Variants in MTHFD2L observed in about 807,000 individuals in gnomAD.
MTHFD2L encodes bifunctional methylenetetrahydrofolate dehydrogenase/cyclohydrolase 2, mitochondrial.
MTHFD2L carries 29 observed loss-of-function variants against 34.9 expected under a neutral mutation model. The observed-to-expected ratio is 0.83, with a 90% CI of 0.62 to 1.13. The LOEUF (loss-of-function observed/expected upper bound fraction) is 1.13, where lower values mean the gene tolerates loss of function less well. MTHFD2L is among the 50% of genes most tolerant of loss of function. The probability of loss-of-function intolerance (pLI) is 0.00; values close to 1 mark genes in which losing one functional copy is unlikely to be tolerated. For synonymous variants in MTHFD2L, 167 were observed against 155.7 expected, an observed-to-expected ratio of 1.07 and a Z score of -0.54; for missense variants, 481 against 446.5, an observed-to-expected ratio of 1.08 and a Z score of -0.70.
At chr4:74,300,976 G>C (rs1235919893) in intron 7 of MTHFD2L, among the ~76,000 whole-genome samples, 1 of 151,992 alleles carries the variant, frequency 6.6e-6, no homozygotes, top group Non-Finnish European at 1.5e-5. Context: ...TGGGAGCTTT[G>C]GCTTATTACC....
chr4:74,154,076 T>G (rs1258621646), upstream of MTHFD2L, among the ~76,000 whole-genome samples: 2 of 152,226 alleles, frequency 1.3e-5, no homozygotes, highest in Non-Finnish European at 2.9e-5. Context: ...TCTTTACAGT[T>G]TTGAGACATA....
upstream of MTHFD2L, among the ~76,000 whole-genome samples, chr4:74,121,946 A>ATATTTGATATT (rs1266205630): frequency 6.6e-6 from 1 of 152,038 alleles, no homozygotes; most frequent in Non-Finnish European, 1.5e-5. Context: ...CCTCAGAAAA[A>ATATTTGATATT]TATCAAACCT....
chr4:74,200,995 T>A lies in MTHFD2L; in HGVS notation c.605-268T>A, dbSNP rs978230921. 3.9e-5 allele frequency among the ~76,000 whole-genome samples: 6 copies of A among 152,194 alleles called. No homozygotes were observed. The East Asian group carries it at 1.2e-3, about 29-fold the overall frequency. On this transcript the variant is annotated intron_variant, in intron 4 of 7. Transcript: ENST00000325278. The stretch of plus-strand genomic sequence containing the variant: ...AAAACTCTACTCTTCTAACTCTTAA[T>A]GTGACTCTCAATGTTTAAAAGCAAC...
intron 1 of MTHFD2L, among the ~76,000 whole-genome samples, chr4:74,130,252 C>G (rs1722383389): frequency 6.6e-6 from 1 of 152,120 alleles, no homozygotes; most frequent in Non-Finnish European, 1.5e-5. Context: ...CATCATCACC[C>G]TGATACCAAA....
intron 1 of MTHFD2L, among the ~76,000 whole-genome samples, chr4:74,152,907 A>T (rs950796253): frequency 6.6e-6 from 1 of 152,236 alleles, no homozygotes; most frequent in Non-Finnish European, 1.5e-5. Flanking sequence ...TAATGATCTT[A>T]AAATATCCTA....
chr4:74,236,682 T>C (rs893687428), intron 6 of MTHFD2L, among the ~76,000 whole-genome samples: 3 of 152,266 alleles, frequency 2.0e-5, no homozygotes, highest in Non-Finnish European at 4.4e-5. Context: ...GCTTCACATA[T>C]CTAATAGAGA....
intron 5 of MTHFD2L, among the ~76,000 whole-genome samples, chr4:74,221,344 C>G (rs1419633480): frequency 2.6e-5 from 4 of 151,636 alleles, no homozygotes; most frequent in Non-Finnish European, 3.0e-5. Context: ...TATCCTTGAT[C>G]TGTCATGAAC....
At chr4:74,182,561 C>G (rs150239979) in intron 3 of MTHFD2L, among the ~76,000 whole-genome samples, 1 of 152,262 alleles carries the variant, frequency 6.6e-6, no homozygotes, top group East Asian at 1.9e-4. Context: ...TAGATCTTAG[C>G]GTAAATGTCA....
chr4:74,270,286 C>T (rs998505745), intron 6 of MTHFD2L, among the ~76,000 whole-genome samples: 1 of 151,976 alleles, frequency 6.6e-6, no homozygotes, highest in Non-Finnish European at 1.5e-5. Context: ...CGTCATTTAA[C>T]ATTAGGTATA....
At chr4:74,155,646 A>G (rs906009069), upstream of MTHFD2L, among the ~76,000 whole-genome samples, 3 of 152,170 alleles carry the variant, frequency 2.0e-5, no homozygotes, top group African/African-American at 7.2e-5. Context: ...AAATCTGTTA[A>G]CAAATGAATG....
At chr4:74,250,066 C>T (rs1435594695) in intron 6 of MTHFD2L, among the ~76,000 whole-genome samples, 1 of 152,102 alleles carries the variant, frequency 6.6e-6, no homozygotes, top group Non-Finnish European at 1.5e-5. Context: ...TAATATCCTG[C>T]AGAGTGTTTT....
chr4:74,184,851 A>C (rs1730844812), intron 3 of MTHFD2L, among the ~76,000 whole-genome samples: 1 of 152,110 alleles, frequency 6.6e-6, no homozygotes, highest in African/African-American at 2.4e-5. Context: ...AAAAATGAGT[A>C]ACAAAACCTT....
intron 6 of MTHFD2L, among the ~76,000 whole-genome samples, chr4:74,273,089 C>A (rs749412325): frequency 6.6e-6 from 1 of 152,084 alleles, no homozygotes; most frequent in Non-Finnish European, 1.5e-5. Flanking sequence ...TAATAGATAT[C>A]GATTTGAGGA....
At chr4:74,148,315 T>C (rs147385523) in intron 1 of MTHFD2L, among the ~76,000 whole-genome samples, 2 of 150,414 alleles carry the variant, frequency 1.3e-5, no homozygotes, top group Admixed American at 6.6e-5. Flanking sequence ...CTATTTGTGG[T>C]CCCCCCCTTT....
Position 74,217,010 on chromosome 4 carries a change from C to T in MTHFD2L, c.713-8292C>T, listed in dbSNP as rs111723541. On this transcript the variant is annotated intron_variant, in intron 5 of 7. Transcript: ENST00000325278. ...AGAATAACATCCAGGTTCCTTACCA[C>T]GATATGCAAGACCTTATATGATCTG... Among the ~76,000 whole-genome samples, 1,162 of 151,890 alleles carry T rather than the reference C, an allele frequency of 7.7e-3. 42 individuals carry two copies. Among genetic ancestry groups the T allele is most frequent in the African/African-American group, 0.027 (1,113 of 41,170 alleles).
chr4:74,214,954 C>G (rs1248203457), intron 5 of MTHFD2L, among the ~76,000 whole-genome samples: 1 of 151,654 alleles, frequency 6.6e-6, no homozygotes, highest in East Asian at 1.9e-4. Flanking sequence ...GCTTTGTTGG[C>G]TCCGCCTCCT....
chr4:74,162,233 A>C (rs1166384075), intron 1 of MTHFD2L: 1 of 152,200 alleles, frequency 6.6e-6, no homozygotes, highest in African/African-American at 2.4e-5. Flanking sequence ...ATATTACATT[A>C]AATCAATTGG....
chr4:74,235,969 C>T (rs1740783615), intron 6 of MTHFD2L, among the ~76,000 whole-genome samples: 1 of 152,068 alleles, frequency 6.6e-6, no homozygotes, highest in Admixed American at 6.6e-5. Context: ...ATGGACTTTA[C>T]TTCATAAATG....
intron 3 of MTHFD2L, chr4:74,194,394 T>C (rs1177789820): frequency 6.6e-6 from 1 of 152,210 alleles, no homozygotes; most frequent in Admixed American, 6.5e-5. Context: ...GATTTTTTTT[T>C]CTTTAAGCTA....
Sources: gnomAD v4.1 joint callset for allele counts (sites outside exome capture counted in the v4.1 genomes callset) on GRCh38, gnomAD v4.1.1 for gene constraint, MANE v1.5 for transcripts, NCBI Gene and HGNC (gene_info 2026-07-23, HGNC 2026-07-21) for gene names.